Variants in KCNAB2 observed in about 807,000 individuals in gnomAD.
KCNAB2 encodes the protein potassium voltage-gated channel subfamily A regulatory beta subunit 2.
In KCNAB2, 29 loss-of-function variants were observed where a neutral mutation model predicts 63.6. The observed-to-expected ratio is 0.46, with a 90% CI of 0.34 to 0.62. KCNAB2 has a LOEUF of 0.62. Ranked by LOEUF, KCNAB2 falls within the 20% of genes least tolerant of loss-of-function variation. KCNAB2 has a pLI of 0.01. For synonymous variants in KCNAB2, 222 were observed against 224.2 expected (o/e 0.99, Z 0.09); for missense variants, 359 against 563.9 (o/e 0.64, Z 3.68).
At chr1:6,058,532 T>A (rs777118348) in intron 2 of KCNAB2, among the ~76,000 whole-genome samples, 2 of 152,206 alleles carry the variant, frequency 1.3e-5, no homozygotes, top group African/African-American at 2.4e-5. Flanking sequence ...CCAGGTGACA[T>A]AACTCAAAGC....
chr1:6,041,957 G>A (rs977068856), upstream of KCNAB2: 9 of 1,252,722 alleles, frequency 7.2e-6, no homozygotes, highest in Non-Finnish European at 1.1e-5. Flanking sequence ...CGAGCAGGGT[G>A]TGCTGGTGTA....
chr1:6,005,791 G>A lies in KCNAB2; in HGVS notation c.-53+13003G>A, dbSNP rs538664089. 3.3e-5 allele frequency among the ~76,000 whole-genome samples: 5 copies of A among 152,016 alleles called. No individual in the cohort carries two copies. In the East Asian group the frequency reaches 9.7e-4, roughly 30 times the overall value. On this transcript the variant is annotated intron_variant, in intron 1 of 16. Coordinates refer to the KCNAB2 transcript ENST00000341524. ...AGATGGGGGTCTCCCTGCCCAGGATGCCGGCCGGAGTTTCCCCTGGCAGGG... is the reference window on the plus strand; with the variant it reads ...AGATGGGGGTCTCCCTGCCCAGGATACCGGCCGGAGTTTCCCCTGGCAGGG...
Position 6,078,911 on chromosome 1 carries a change from G to A in KCNAB2, c.301-3284G>A, listed in dbSNP as rs563322551. 6.6e-6 allele frequency among the ~76,000 whole-genome samples: 1 copy of A among 152,218 alleles called. No individual in the cohort carries two copies. The highest frequency in any genetic ancestry group is 1.5e-5 in the Non-Finnish European group (1 of 68,032). On this transcript the variant is annotated intron_variant, in intron 4 of 15. Transcript: ENST00000378083. The surrounding 1 kb of genome is among the most constrained non-coding windows in gnomAD (Gnocchi z 4.2). ...TGCCTGGGGAAGGTGCAGGGAGAGA[G>A]GATGGAAGCAGAGAGCTAGGAGGCT...
At chr1:6,037,643 C>T (rs147267807) in intron 1 of KCNAB2, among the ~76,000 whole-genome samples, 3 of 152,278 alleles carry the variant, frequency 2.0e-5, no homozygotes, top group East Asian at 1.9e-4. Context: ...AGGAGTTTAA[C>T]GACAGTTTTT....
In KCNAB2 at chr1:6,003,574, C is replaced by G. The variant is rs116079798; in HGVS notation, c.-53+10786C>G. Among the ~76,000 whole-genome samples, 128 of 152,342 alleles carry G rather than the reference C, an allele frequency of 8.4e-4. No homozygotes were observed. Among genetic ancestry groups the G allele is most frequent in the African/African-American group, 3.0e-3 (126 of 41,568 alleles). On this transcript the variant is annotated intron_variant, in intron 1 of 16. Transcript: ENST00000341524. This position sits in a 1 kb window ranked among gnomAD's most constrained non-coding sequence, Gnocchi z 4.1. ...GGAGATCCGGCAGCTCTTCACTCTT[C>G]CGAATCAGGCTGTGGGAAACGTTTG...
At chr1:6,017,605 C>A (rs982698746) in intron 1 of KCNAB2, among the ~76,000 whole-genome samples, 2 of 152,054 alleles carry the variant, frequency 1.3e-5, no homozygotes, top group African/African-American at 4.8e-5. Flanking sequence ...ACCATCTTGG[C>A]CAACATAGTG....
intron 2 of KCNAB2, among the ~76,000 whole-genome samples, chr1:6,068,448 G>A (rs950803674): frequency 8.5e-5 from 13 of 152,210 alleles, no homozygotes; most frequent in Non-Finnish European, 1.9e-4. Flanking sequence ...TCAAATCCCA[G>A]CCCTAGCACT....
At chr1:6,046,897 C>T (rs1023194962) in intron 1 of KCNAB2, among the ~76,000 whole-genome samples, 1 of 152,150 alleles carries the variant, frequency 6.6e-6, no homozygotes, top group Non-Finnish European at 1.5e-5. Context: ...GTAGAGGAGT[C>T]TGGGGTGAGG....
chr1:6,019,189 G>A (rs1213287218), intron 1 of KCNAB2, among the ~76,000 whole-genome samples: 1 of 152,164 alleles, frequency 6.6e-6, no homozygotes, highest in East Asian at 1.9e-4. Flanking sequence ...CTACTTGGGA[G>A]GCTGAGGCAG....
intron 2 of KCNAB2, among the ~76,000 whole-genome samples, chr1:6,065,235 A>G (rs1571003462): frequency 6.6e-6 from 1 of 152,166 alleles, no homozygotes; most frequent in South Asian, 2.1e-4. Context: ...CGCAGAGTCC[A>G]CCCTGGCTGC....
chr1:6,094,346 T>C, intron 10 of KCNAB2, 54 bp from the exon 11 acceptor site: 2 of 1,380,796 alleles, frequency 1.4e-6, no homozygotes, highest in Non-Finnish European at 1.0e-6. Context: ...GTCCCGAGGC[T>C]GGCCCTGAGC....
At position 6,015,853 on chromosome 1, in the gene KCNAB2, C is replaced by T. The variant is rs1011513517; in HGVS notation, c.-53+23065C>T. On this transcript the variant is annotated intron_variant, in intron 1 of 16. Coordinates refer to the KCNAB2 transcript ENST00000341524. ...CCAAGTAGCTGGGACCACAGGCATG[C>T]GCCACCACGCCTGGCTAATTTTTGT... 1.6e-4 allele frequency among the ~76,000 whole-genome samples: 25 copies of T among 152,034 alleles called. 1 individual carries two copies. The highest frequency in any genetic ancestry group is 4.3e-4 in the African/African-American group (18 of 41,396).
intron 1 of KCNAB2, 34 bp downstream of exon 1, chr1:6,046,217 G>A (rs928873834): frequency 9.1e-6 from 9 of 984,848 alleles, no homozygotes; most frequent in Non-Finnish European, 9.6e-6. Context: ...CCTTCCTAGT[G>A]GAGATGCCGC....
chr1:6,030,449 G>A (rs1403337505), upstream of KCNAB2, among the ~76,000 whole-genome samples: 5 of 92,902 alleles, frequency 5.4e-5, no homozygotes, highest in East Asian at 1.1e-3. Flanking sequence ...CCCCTCCAAC[G>A]TGTGTGTGTG....
intron 2 of KCNAB2, among the ~76,000 whole-genome samples, chr1:6,055,286 A>G (rs1196338922): frequency 6.6e-6 from 1 of 151,328 alleles, no homozygotes; most frequent in African/African-American, 2.4e-5. Context: ...TGCAGGTCCC[A>G]CTGTGGGGCT....
intron 4 of KCNAB2, among the ~76,000 whole-genome samples, chr1:6,076,813 T>C (rs544733251): frequency 6.6e-6 from 1 of 152,314 alleles, no homozygotes; most frequent in Admixed American, 6.5e-5. Flanking sequence ...ACCCAGATAC[T>C]GGAAGGAACC....
intron 7 of KCNAB2, among the ~76,000 whole-genome samples, chr1:6,088,574 G>A (rs959543913): frequency 4.0e-4 from 60 of 151,434 alleles, no homozygotes; most frequent in Admixed American, 2.8e-3. Flanking sequence ...TAAGATATGG[G>A]GTCTCACTAT....
At position 6,101,128 on chromosome 1, in the gene KCNAB2, G is replaced by A. The variant is rs766855562; in HGVS notation, c.*2554G>A. 31 of 152,058 alleles carry A rather than the reference G, an allele frequency of 2.0e-4. No individual in the cohort carries two copies. Among genetic ancestry groups the A allele is most frequent in the Middle Eastern group, 3.2e-3 (1 of 316 alleles). 9.4% of individuals were successfully genotyped at this position (152,058 alleles called of 1,614,324 possible). A position where few individuals can be genotyped will look rare whatever the true frequency, so the allele number is the denominator to read the frequency against. The stretch of plus-strand genomic sequence containing the variant: ...CGAGCTTCCAAACGAGACTCAGACC[G>A]CGACACAGCCACCGTATTTATGGAA... On this transcript the variant is annotated 3_prime_UTR_variant, in exon 16 of 16. Transcript: ENST00000378083.
At chr1:6,040,561 C>T in exon 2 of KCNAB2, 1 of 1,613,866 alleles carries the variant, frequency 6.2e-7, no homozygotes, top group Non-Finnish European at 8.5e-7. Context: ...ATAAGTGAGG[C>T]TGGCTCCATG....
Sources: gnomAD v4.1 joint callset for allele counts (sites outside exome capture counted in the v4.1 genomes callset) on GRCh38, gnomAD v4.1.1 for gene constraint, Gnocchi (gnomAD v3.1) non-coding constraint, MANE v1.5 for transcripts, NCBI Gene and HGNC (gene_info 2026-07-23, HGNC 2026-07-21) for gene names.